The following SORCS1 variants were observed in gnomAD, a reference collection of about 807,000 sequenced individuals.
SORCS1 encodes sortilin related VPS10 domain containing receptor 1.
In SORCS1, 60 loss-of-function variants were observed where a neutral mutation model predicts 146.1. The observed-to-expected ratio is 0.41, with a 90% CI of 0.33 to 0.51. The LOEUF (loss-of-function observed/expected upper bound fraction) is 0.51. Ranked by LOEUF, SORCS1 falls within the 20% of genes least tolerant of loss-of-function variation. The probability of loss-of-function intolerance (pLI) is 0.21; values close to 1 mark genes in which losing one functional copy is unlikely to be tolerated. For synonymous variants in SORCS1, 637 were observed against 584.0 expected (o/e 1.09, Z -1.31); for missense variants, 1,352 against 1,487.6 (o/e 0.91, Z 1.50).
At chr10:106,671,416 T>C (rs1851591963) in intron 15 of SORCS1, 49 bp from the exon 16 acceptor site, 4 of 1,610,310 alleles carry the variant, frequency 2.5e-6, no homozygotes, top group East Asian at 4.5e-5. Flanking sequence ...GCTTGGACTT[T>C]CTCTGCTCCA....
At chr10:106,710,901 G>T (rs1042366636) in intron 6 of SORCS1, among the ~76,000 whole-genome samples, 2 of 152,038 alleles carry the variant, frequency 1.3e-5, no homozygotes, top group African/African-American at 4.8e-5. Flanking sequence ...CTTCTCCCCA[G>T]GCTGTTCTCA....
chr10:106,732,090 A>C (rs1212908100), intron 5 of SORCS1, among the ~76,000 whole-genome samples: 1 of 152,198 alleles, frequency 6.6e-6, no homozygotes, highest in Non-Finnish European at 1.5e-5. Flanking sequence ...CTTCATCTGG[A>C]GAAAAGAAGT....
chr10:106,872,510 AG>A (rs1292749689), intron 2 of SORCS1, among the ~76,000 whole-genome samples: 1 of 152,214 alleles, frequency 6.6e-6, no homozygotes, highest in African/African-American at 2.4e-5. Context: ...GACTTTACTA[AG>A]GTTTTAATAG....
At chr10:106,947,571 C>T (rs868171718) in intron 2 of SORCS1, among the ~76,000 whole-genome samples, 5 of 152,104 alleles carry the variant, frequency 3.3e-5, no homozygotes, top group East Asian at 1.9e-4. Flanking sequence ...AGGCTGGGCG[C>T]GGTGGCTCAC....
intron 5 of SORCS1, among the ~76,000 whole-genome samples, chr10:106,751,422 GTTC>G (rs1445137891): frequency 1.3e-5 from 2 of 152,210 alleles, no homozygotes; most frequent in Non-Finnish European, 2.9e-5. Flanking sequence ...GGCTTTCTGA[GTTC>G]TTCTCCTGAA....
At chr10:106,993,581 T>G (rs12570427) in intron 1 of SORCS1, among the ~76,000 whole-genome samples, 34,002 of 152,154 alleles carry the variant, frequency 0.22, 4,629 homozygotes, top group Middle Eastern at 0.34. Context: ...AACTAGATAG[T>G]ATTTTATTCA....
At chr10:106,636,073 G>A (rs1251421510) in intron 18 of SORCS1, among the ~76,000 whole-genome samples, 1 of 152,138 alleles carries the variant, frequency 6.6e-6, no homozygotes, top group Non-Finnish European at 1.5e-5. Context: ...CATGGCATGC[G>A]ACTTTGTATA....
chr10:106,981,576 G>T (rs955435535), intron 1 of SORCS1, among the ~76,000 whole-genome samples: 3 of 152,118 alleles, frequency 2.0e-5, no homozygotes, highest in Non-Finnish European at 4.4e-5. Context: ...TCAAAATAGA[G>T]CACAGAGGCA....
At chr10:107,035,423 C>T (rs1338595683) in intron 1 of SORCS1, among the ~76,000 whole-genome samples, 1 of 152,080 alleles carries the variant, frequency 6.6e-6, no homozygotes, top group Non-Finnish European at 1.5e-5. Context: ...TCACCTGAAC[C>T]CCGCAGCTTA....
chr10:106,956,424 C>T (rs1372364289), intron 2 of SORCS1, 89 bp downstream of exon 2: 11 of 1,213,642 alleles, frequency 9.1e-6, no homozygotes, highest in East Asian at 7.0e-5. Flanking sequence ...CACCAGGAAC[C>T]TTCCTGCCAG....
chr10:106,758,854 G>T (rs916615834), intron 5 of SORCS1, among the ~76,000 whole-genome samples: 2 of 152,312 alleles, frequency 1.3e-5, no homozygotes, highest in Non-Finnish European at 2.9e-5. Context: ...ACAGCATCCT[G>T]AACAAGAGCA....
intron 1 of SORCS1, among the ~76,000 whole-genome samples, chr10:107,125,155 G>T (rs185898083): frequency 4.8e-4 from 73 of 152,080 alleles, no homozygotes; most frequent in African/African-American, 1.5e-3. Flanking sequence ...GTTTCACCAT[G>T]TTGGCCAGGA....
In SORCS1 at chr10:106,885,988, G is replaced by A. The variant is rs148874532; in HGVS notation, c.627-56315C>T. Among the ~76,000 whole-genome samples, 346 of 152,292 alleles carry A rather than the reference G, an allele frequency of 2.3e-3. 2 individuals carry two copies. The highest frequency in any genetic ancestry group is 5.7e-3 in the African/African-American group (235 of 41,568). Reference sequence around the variant, plus strand: ...CATTAAACCTCTTTCTTGGCCAGGTGCAGTGGCTCACTCCTGTAATCCCAG... The same window carrying A: ...CATTAAACCTCTTTCTTGGCCAGGTACAGTGGCTCACTCCTGTAATCCCAG... On this transcript the variant is annotated intron_variant, in intron 2 of 25. Transcript: ENST00000263054.
At chr10:107,144,114 T>G (rs1476103110) in intron 1 of SORCS1, among the ~76,000 whole-genome samples, 1 of 152,158 alleles carries the variant, frequency 6.6e-6, no homozygotes, top group Non-Finnish European at 1.5e-5. Context: ...GTCTCATGTT[T>G]TCATCTGGAA....
intron 3 of SORCS1, among the ~76,000 whole-genome samples, chr10:106,795,336 T>G (rs563170554): frequency 3.9e-5 from 6 of 152,238 alleles, no homozygotes; most frequent in African/African-American, 1.4e-4. Context: ...AGAACTAAGG[T>G]TCTGAGAAAC....
chr10:107,114,950 C>T (rs937809990), intron 1 of SORCS1, among the ~76,000 whole-genome samples: 5 of 152,104 alleles, frequency 3.3e-5, no homozygotes, highest in Non-Finnish European at 7.4e-5. Flanking sequence ...GCATTTCTAT[C>T]ACCTAACAAA....
intron 8 of SORCS1, 26 bp from the exon 9 acceptor site, chr10:106,699,419 G>A (rs774093257): frequency 1.3e-6 from 2 of 1,576,652 alleles, no homozygotes; most frequent in East Asian, 4.6e-5. Context: ...AGGTCGTGAA[G>A]AGGGAAAAAG....
intron 1 of SORCS1, among the ~76,000 whole-genome samples, chr10:107,154,326 G>T (rs1181294285): frequency 6.6e-6 from 1 of 152,032 alleles, no homozygotes; most frequent in African/African-American, 2.4e-5. Context: ...CTAGGGACTT[G>T]GGATATATGA....
At chr10:106,691,880 C>T (rs1261166034) in intron 9 of SORCS1, among the ~76,000 whole-genome samples, 1 of 152,130 alleles carries the variant, frequency 6.6e-6, no homozygotes, top group African/African-American at 2.4e-5. Context: ...TCTAGTACTC[C>T]TTATGCTCTT....
Sources: gnomAD v4.1 joint callset for allele counts (sites outside exome capture counted in the v4.1 genomes callset) on GRCh38, gnomAD v4.1.1 for gene constraint, MANE v1.5 for transcripts, NCBI Gene and HGNC (gene_info 2026-07-23, HGNC 2026-07-21) for gene names.